The following GTF2H3 variants were observed in gnomAD, a reference collection of about 807,000 sequenced individuals.
GTF2H3 encodes the protein TFIIH basal transcription factor complex p34 subunit.
GTF2H3 carries 42 observed loss-of-function variants against 51.1 expected under a neutral mutation model. That is an observed-to-expected ratio of 0.82 (90% CI 0.64 to 1.06). The LOEUF (loss-of-function observed/expected upper bound fraction) is 1.06. Among genes scored for constraint, GTF2H3 ranks in the 50% least tolerant of loss-of-function variants. GTF2H3 has a pLI of 0.00. For missense variants in GTF2H3, 326 were observed against 366.1 expected (o/e 0.89, Z 0.89); for synonymous variants, 123 against 123.8 (o/e 0.99, Z 0.04).
intron 2 of GTF2H3, 91 bp downstream of exon 2, chr12:123,639,434 T>G (rs1955336027): frequency 2.9e-6 from 2 of 680,592 alleles, no homozygotes; most frequent in Non-Finnish European, 5.3e-6. Flanking sequence ...AAAGTATAAT[T>G]TACATACTGT....
intron 1 of GTF2H3, among the ~76,000 whole-genome samples, chr12:123,636,514 G>A (rs534986147): frequency 1.3e-5 from 2 of 152,382 alleles, no homozygotes; most frequent in East Asian, 1.9e-4. Context: ...GGCGGCACAT[G>A]CCTGTAATCC....
At chr12:123,636,097 G>C (rs1000001429) in intron 1 of GTF2H3, among the ~76,000 whole-genome samples, 1 of 152,060 alleles carries the variant, frequency 6.6e-6, no homozygotes, top group African/African-American at 2.4e-5. Flanking sequence ...CATTAAGAAA[G>C]AAAAAATGCT....
intron 4 of GTF2H3, chr12:123,649,358 T>A (rs1955491522): frequency 6.6e-6 from 1 of 152,258 alleles, no homozygotes; most frequent in Admixed American, 6.6e-5. Context: ...CTATGCGTTG[T>A]AGGATGTTTA....
intron 3 of GTF2H3, among the ~76,000 whole-genome samples, chr12:123,647,355 C>G (rs116795979): frequency 0.064 from 9,703 of 151,584 alleles, 1,018 homozygotes; most frequent in African/African-American, 0.22. Context: ...TCCTGTAATT[C>G]CAGCTACTTG....
At chr12:123,643,654 A>G (rs1955408735) in intron 2 of GTF2H3, among the ~76,000 whole-genome samples, 2 of 152,200 alleles carry the variant, frequency 1.3e-5, no homozygotes, top group South Asian at 2.1e-4. Context: ...TTTTTTTTAA[A>G]TTAATGATTT....
At chr12:123,640,891 A>G (rs142627233) in intron 2 of GTF2H3, among the ~76,000 whole-genome samples, 148 of 152,350 alleles carry the variant, frequency 9.7e-4, no homozygotes, top group African/African-American at 3.3e-3. Context: ...TCACAAAACA[A>G]GTTTACTGAC....
At chr12:123,651,152 G>C (rs1955515060) in intron 5 of GTF2H3, 96 bp downstream of exon 5, 1 of 815,342 alleles carries the variant, frequency 1.2e-6, no homozygotes, top group African/African-American at 1.7e-5. Flanking sequence ...CCATTACTGG[G>C]ACATGTGAGT....
chr12:123,648,410 G>T, intron 4 of GTF2H3: 1 of 214,292 alleles, frequency 4.7e-6, no homozygotes. Flanking sequence ...TCTATTTCTG[G>T]CTTTTCCTTC....
chr12:123,636,550 A>C (rs1955286447), intron 1 of GTF2H3, among the ~76,000 whole-genome samples: 1 of 152,236 alleles, frequency 6.6e-6, no homozygotes, highest in Admixed American at 6.5e-5. Context: ...CTGAGGTGGG[A>C]GGATCACTTG....
At chr12:123,638,971 AT>A (rs532156192) in intron 1 of GTF2H3, among the ~76,000 whole-genome samples, 147 of 151,410 alleles carry the variant, frequency 9.7e-4, no homozygotes, top group Admixed American at 9.6e-3. Context: ...AATTTTTTGT[AT>A]TTTTAGTAGA....
At chr12:123,639,891 G>GTGCA (rs1955342783) in intron 2 of GTF2H3, 6 of 409,848 alleles carry the variant, frequency 1.5e-5, no homozygotes, top group East Asian at 7.1e-5. Context: ...GTGTGTATGC[G>GTGCA]TGCGTGCGTG....
intron 2 of GTF2H3, among the ~76,000 whole-genome samples, chr12:123,643,213 A>G (rs1398856057): frequency 6.6e-6 from 1 of 152,256 alleles, no homozygotes; most frequent in Non-Finnish European, 1.5e-5. Flanking sequence ...TATGGATACA[A>G]GAATTCAGCA....
intron 9 of GTF2H3, among the ~76,000 whole-genome samples, chr12:123,656,751 C>T (rs1044111579): frequency 6.6e-5 from 10 of 152,292 alleles, no homozygotes; most frequent in Non-Finnish European, 1.2e-4. Flanking sequence ...CTTCTCTTCC[C>T]TCCTTTCATA....
At chr12:123,652,950 T>C (rs540226798) in intron 7 of GTF2H3, among the ~76,000 whole-genome samples, 2 of 151,990 alleles carry the variant, frequency 1.3e-5, no homozygotes, top group East Asian at 3.9e-4. Context: ...TGGTGGTGCA[T>C]GCCTATAGTC....
At chr12:123,640,493 C>G (rs944434539) in intron 2 of GTF2H3, among the ~76,000 whole-genome samples, 2 of 151,352 alleles carry the variant, frequency 1.3e-5, no homozygotes, top group Non-Finnish European at 2.9e-5. Flanking sequence ...TCCGTCACCA[C>G]GCCCAGCTAA....
At chr12:123,643,234 T>C (rs1361645518) in intron 2 of GTF2H3, among the ~76,000 whole-genome samples, 1 of 152,222 alleles carries the variant, frequency 6.6e-6, no homozygotes. Context: ...AAAATCAACA[T>C]AGGCATTCTG....
chr12:123,656,074 G>A, intron 9 of GTF2H3: 1 of 355,698 alleles, frequency 2.8e-6, no homozygotes, highest in Non-Finnish European at 5.1e-6. Flanking sequence ...ACCCGAAAGG[G>A]AAACAAAACC....
intron 1 of GTF2H3, among the ~76,000 whole-genome samples, chr12:123,635,572 CA>C (rs11316749): frequency 0.47 from 40,361 of 85,330 alleles, 6,058 homozygotes; most frequent in Middle Eastern, 0.55. Context: ...GTCTCCGTCG[CA>C]AAAAAAAAAA....
chr12:123,646,324 A>T (rs905588929), intron 3 of GTF2H3, among the ~76,000 whole-genome samples: 1 of 147,694 alleles, frequency 6.8e-6, no homozygotes, highest in Non-Finnish European at 1.5e-5. Flanking sequence ...TGGCACTATC[A>T]TGGGTCACTG....
Sources: allele counts gnomAD v4.1 joint callset (sites outside exome capture counted in the v4.1 genomes callset), GRCh38; gene constraint gnomAD v4.1.1; transcripts MANE v1.5; gene names NCBI Gene and HGNC (gene_info 2026-07-23, HGNC 2026-07-21).